MICAL3: variants seen among roughly 807,000 people sequenced by gnomAD.
MICAL3 encodes the protein [F-actin]-monooxygenase MICAL3.
Under a neutral mutation model 207.4 loss-of-function variants are expected in MICAL3, and 62 were observed. The ratio of observed to expected loss-of-function variants is 0.30; its 90% CI spans 0.24 to 0.37. The LOEUF (loss-of-function observed/expected upper bound fraction) is 0.37. MICAL3 is among the 10% of genes least tolerant of loss of function. The probability of loss-of-function intolerance (pLI) is 1.00; values close to 1 mark genes in which losing one functional copy is unlikely to be tolerated. For synonymous variants in MICAL3, 1,077 were observed against 1,069.3 expected, an observed-to-expected ratio of 1.01 and a Z score of -0.14; for missense variants, 2,368 against 2,635.6, an observed-to-expected ratio of 0.90 and a Z score of 2.22.
rs1569109206 is a variant in MICAL3, at chr22:17,876,829, TGGAGGTTAGGGAGGTTAG to T, written c.2242-4824_2242-4807del. On this transcript the variant is annotated intron_variant, in intron 16 of 31. Transcript: ENST00000441493. ...GAGGTTAGGGAGGTTAGGGAGGTTA[TGGAGGTTAGGGAGGTTAG>T]GGAGGTTATGGAGGTTAGGGAGGTT... 3.2e-4 allele frequency: 8 copies of T among 25,246 alleles called. 1 individual carries two copies. Among genetic ancestry groups the T allele is most frequent in the African/African-American group, 8.1e-4 (5 of 6,208 alleles). 1.6% of individuals were successfully genotyped at this position (25,246 alleles called of 1,614,324 possible).
At chr22:17,918,228 C>G (rs753905942) in intron 1 of MICAL3, among the ~76,000 whole-genome samples, 2 of 152,076 alleles carry the variant, frequency 1.3e-5, no homozygotes, top group African/African-American at 2.4e-5. Context: ...CTGCAGTGAG[C>G]TACGATCATG....
Position 17,841,342 on chromosome 22 carries a change from A to C in MICAL3, c.2801+480T>G, listed in dbSNP as rs1273584457. On this transcript the variant is annotated intron_variant, in intron 20 of 31. Coordinates refer to ENST00000441493, the MANE Select transcript of MICAL3 (RefSeq NM_015241.3). The surrounding 1 kb of genome is among the most constrained non-coding windows in gnomAD (Gnocchi z 4.2). ...ATTACAGCTCTGGAACTGCCTAAGC[A>C]TGCATCCACTGGTGCTGCATGCGGC... 4.6e-6 allele frequency: 1 copy of C among 217,088 alleles called. No homozygotes were observed. Among genetic ancestry groups the C allele is most frequent in the African/African-American group, 2.2e-5 (1 of 44,608 alleles). The allele number at this position is 217,088 out of a possible 1,614,324, so 13.4% of individuals were successfully genotyped here. A position where few individuals can be genotyped will look rare whatever the true frequency, so the allele number is the denominator to read the frequency against.
At chr22:17,881,747 C>G (rs777202595) in intron 16 of MICAL3, among the ~76,000 whole-genome samples, 11 of 152,154 alleles carry the variant, frequency 7.2e-5, no homozygotes, top group African/African-American at 1.2e-4. Context: ...GGCACTGCTG[C>G]CCTCCTCTCA....
chr22:17,861,879 G>A (rs1263220492), intron 19 of MICAL3: 14 of 985,478 alleles, frequency 1.4e-5, no homozygotes, highest in African/African-American at 1.7e-5. Context: ...CTTTAAAGCC[G>A]ACCTAGAGTG....
At chr22:17,858,537 C>A in intron 19 of MICAL3, 4 of 924,164 alleles carry the variant, frequency 4.3e-6, no homozygotes, top group Non-Finnish European at 5.2e-6. Context: ...TCGGGGAGCA[C>A]TTGTGGGACC....
chr22:17,817,623 C>G lies in MICAL3; in HGVS notation c.5038G>C (p.Gly1680Arg). 6.2e-7 allele frequency: 1 copy of G among 1,612,960 alleles called. No homozygotes were observed. The highest frequency in any genetic ancestry group is 8.5e-7 in the Non-Finnish European group (1 of 1,179,766). Residue 1680 changes from glycine to arginine, a missense_variant, in exon 26 of 32, where the codon GGG (glycine) becomes CGG (arginine). Gly to Arg is a moderately radical substitution (Grantham distance 125, BLOSUM62 -2). Transcript: ENST00000441493. ...EEVLSPPSDS[G>R]GPDGSFTSSE... ...GAAGTGAAAGAGCCATCTGGGCCCC[C>G]TGAGTCCGACGGCGGGGAGAGGACC...
chr22:17,835,408 C>T (rs1465036919), intron 20 of MICAL3, among the ~76,000 whole-genome samples: 1 of 152,348 alleles, frequency 6.6e-6, no homozygotes, highest in Admixed American at 6.5e-5. Context: ...CAGGAGTTTC[C>T]AACTCCTTTC....
At chr22:17,854,763 T>C (rs542074002) in intron 19 of MICAL3, among the ~76,000 whole-genome samples, 1 of 152,212 alleles carries the variant, frequency 6.6e-6, no homozygotes, top group Non-Finnish European at 1.5e-5. Flanking sequence ...ATGTTTGTCA[T>C]GTGCATGAGG....
intron 1 of MICAL3, among the ~76,000 whole-genome samples, chr22:17,942,436 T>C (rs1933852090): frequency 6.6e-6 from 1 of 152,160 alleles, no homozygotes; most frequent in African/African-American, 2.4e-5. Context: ...CTCCTCCACT[T>C]AGCGGAGTGG....
intron 1 of MICAL3, among the ~76,000 whole-genome samples, chr22:17,920,261 C>T (rs1014600470): frequency 1.3e-5 from 2 of 152,232 alleles, no homozygotes; most frequent in African/African-American, 4.8e-5. Flanking sequence ...GTACCTGCCC[C>T]GTCATCTCCA....
At chr22:17,875,195 G>T (rs573422557) in intron 16 of MICAL3, 1 of 266,824 alleles carries the variant, frequency 3.7e-6, no homozygotes, top group Non-Finnish European at 6.9e-6. Flanking sequence ...ATCAAAGCGG[G>T]TTCACATCAA....
chr22:18,005,756 G>C (rs1923348740), intron 1 of MICAL3: 1 of 152,188 alleles, frequency 6.6e-6, no homozygotes, highest in Non-Finnish European at 1.5e-5. Context: ...CCATGTCAAT[G>C]AAGAAGGGAC....
intron 16 of MICAL3, chr22:17,872,825 C>A (rs781177663): frequency 6.2e-7 from 1 of 1,612,440 alleles, no homozygotes; most frequent in Admixed American, 1.7e-5. Context: ...CCAATGAGCT[C>A]ACTCCGCCCG....
At chr22:18,011,062 T>C (rs1290635144) in intron 1 of MICAL3, among the ~76,000 whole-genome samples, 1 of 152,184 alleles carries the variant, frequency 6.6e-6, no homozygotes, top group Non-Finnish European at 1.5e-5. Context: ...ATCACAGGCC[T>C]GCAGTGCTGC....
chr22:17,902,640 C>A lies in MICAL3; in HGVS notation c.580G>T (p.Glu194Ter), dbSNP rs767048793. 6.3e-7 allele frequency: 1 copy of A among 1,589,560 alleles called. No homozygotes were observed. The highest frequency in any genetic ancestry group is 1.7e-5 in the Admixed American group (1 of 58,610). The change falls in exon 4 of 32, where the codon GAG (glutamate) becomes TAG (stop). Residue 194 changes from glutamate to a stop codon, truncating the protein, a stop_gained. Transcript: ENST00000441493. LOFTEE classifies it high-confidence loss of function. This position sits in a 1 kb window ranked among gnomAD's most constrained non-coding sequence, Gnocchi z 4.5. ...CTCCAGTATAACTTACGTTCATTCT[C>A]TTGGTCCTCAGGAGGCTGTATAAGT... is the stretch of plus-strand genomic sequence containing the variant. The part of the protein sequence containing the change: ...QGLIQPPEDQ[E>*]NERIGWRALV...
Position 17,796,438 on chromosome 22 carries a change from G to A in MICAL3, c.5651-5137C>T, listed in dbSNP as rs1467532381. The stretch of plus-strand genomic sequence containing the variant: ...GGGCGCCCTCGCATGCACCACCCAC[G>A]TGATCCTCACACCGGCCAGGTGTGG... On this transcript the variant is annotated intron_variant, in intron 29 of 31. Transcript: ENST00000441493. The surrounding 1 kb of genome is among the most constrained non-coding windows in gnomAD (Gnocchi z 4.4). Among the ~76,000 whole-genome samples the A allele has an allele frequency of 5.9e-5, 9 of 152,242 alleles. No homozygotes were observed. The highest frequency in any genetic ancestry group is 5.8e-4 in the East Asian group (3 of 5,194).
intron 1 of MICAL3, among the ~76,000 whole-genome samples, chr22:17,984,822 A>C (rs1017359043): frequency 3.9e-5 from 6 of 152,232 alleles, no homozygotes; most frequent in African/African-American, 1.2e-4. Context: ...CATACAAATG[A>C]GGAAACCAAG....
intron 19 of MICAL3, chr22:17,863,763 G>A (rs1926772096): frequency 3.0e-6 from 3 of 985,312 alleles, no homozygotes; most frequent in South Asian, 4.7e-5. Context: ...CCAGCTGTTA[G>A]GGAAGGGAAA....
At position 17,817,696 on chromosome 22, in the gene MICAL3, G is replaced by A; in HGVS notation, c.4965C>T (p.Leu1655=). ...RRPDSPTRPT[L]RGSEEPTLKH... ...TCAGGGTGGGCTCCTCGGAGCCCCT[G>A]AGAGTGGGGCGTGTGGGGGAGTCAG... Residue 1655 remains leucine (L), a synonymous_variant, in exon 26 of 32, where the codon CTC becomes CTT. Coordinates refer to ENST00000441493, the MANE Select transcript of MICAL3 (RefSeq NM_015241.3). 10 of 1,604,120 alleles carry A rather than the reference G, an allele frequency of 6.2e-6. No homozygotes were observed. Among genetic ancestry groups the A allele is most frequent in the Non-Finnish European group, 8.5e-6 (10 of 1,176,346 alleles).
Sources: gnomAD v4.1 joint callset for allele counts (sites outside exome capture counted in the v4.1 genomes callset) on GRCh38, gnomAD v4.1.1 for gene constraint, Gnocchi (gnomAD v3.1) non-coding constraint, MANE v1.5 for transcripts, NCBI Gene and HGNC (gene_info 2026-07-23, HGNC 2026-07-21) for gene names.